The following HID1 variants were observed in gnomAD, a reference collection of about 807,000 sequenced individuals.
The protein encoded by HID1 is protein HID1.
Under a neutral mutation model 89.7 loss-of-function variants are expected in HID1, and 42 were observed. That is an observed-to-expected ratio of 0.47 (90% CI 0.37 to 0.61). The LOEUF is 0.61. Among genes scored for constraint, HID1 ranks in the 20% least tolerant of loss-of-function variants. The pLI is 0.00. For synonymous variants in HID1, 442 were observed against 433.8 expected (o/e 1.02, Z -0.24); for missense variants, 854 against 1,039.3 (o/e 0.82, Z 2.45).
In HID1 at chr17:74,962,830, T is replaced by C. The variant is rs2144818136; in HGVS notation, c.504+135A>G. The stretch of plus-strand genomic sequence containing the variant: ...GTACCAGCTGCCACCCAGGCCTACA[T>C]GTGCCAGGCAGCTCAGCTCTCCTGG... On this transcript the variant is annotated intron_variant, in intron 4 of 18. Coordinates refer to ENST00000425042, the MANE Select transcript of HID1 (RefSeq NM_030630.3). This position sits in a 1 kb window ranked among gnomAD's most constrained non-coding sequence, Gnocchi z 4.3. 1.5e-6 allele frequency: 1 copy of C among 660,472 alleles called. No individual in the cohort carries two copies. The highest frequency in any genetic ancestry group is 2.7e-5 in the East Asian group (1 of 37,000). 40.9% of individuals were successfully genotyped at this position (660,472 alleles called of 1,614,324 possible).
chr17:74,963,633 C>A (rs2144819923), intron 3 of HID1, 107 bp downstream of exon 3: 1 of 1,179,470 alleles, frequency 8.5e-7, no homozygotes, highest in South Asian at 1.6e-5. Flanking sequence ...CACCCCTGTA[C>A]TTCCCAAATC....
In HID1 at chr17:74,972,721, G is replaced by A; in HGVS notation, c.-65C>T. 2.8e-6 allele frequency: 4 copies of A among 1,432,856 alleles called. No homozygotes were observed. The highest frequency in any genetic ancestry group is 2.3e-5 in the Admixed American group (1 of 43,112). The allele number at this position is 1,432,856 out of a possible 1,614,324, so 88.8% of individuals were successfully genotyped here. On this transcript the variant is annotated 5_prime_UTR_variant, in exon 1 of 19. Coordinates refer to ENST00000425042, the MANE Select transcript of HID1 (RefSeq NM_030630.3). The surrounding 1 kb of genome is among the most constrained non-coding windows in gnomAD (Gnocchi z 6.4). ...CCAACCCGGCTCCGGCTTCAGCTCC[G>A]GCTCCAGCTCCGCGGCCCCCGCGGC...
At chr17:74,952,243 C>G in intron 17 of HID1, 26 bp downstream of exon 17, 1 of 1,602,658 alleles carries the variant, frequency 6.2e-7, no homozygotes. Context: ...GCCCACAACC[C>G]CCGGCCCTGC....
rs1383081227 is a variant in HID1, at chr17:74,962,381, A to G, written c.505-41T>C. ...GAAGAAGCCGGGTTAGGGGGTCGAG[A>G]GGTGAACAGCAGCCTGGGTCAGAAC... On this transcript the variant is annotated intron_variant, in intron 4 of 18. Coordinates refer to ENST00000425042, the MANE Select transcript of HID1 (RefSeq NM_030630.3). The surrounding 1 kb of genome is among the most constrained non-coding windows in gnomAD (Gnocchi z 4.3). 1 of 1,420,000 alleles carries G rather than the reference A, an allele frequency of 7.0e-7. No homozygotes were observed. Among genetic ancestry groups the G allele is most frequent in the Admixed American group, 1.8e-5 (1 of 56,710 alleles). 88.0% of individuals were successfully genotyped at this position (1,420,000 alleles called of 1,614,324 possible).
At chr17:74,963,947 G>T (rs200083655) in intron 2 of HID1, 37 bp from the exon 3 acceptor site, 45 of 1,610,326 alleles carry the variant, frequency 2.8e-5, no homozygotes, top group Non-Finnish European at 3.7e-5. Flanking sequence ...CAGGCTGGAA[G>T]GTGGGGAAAG....
intron 1 of HID1, among the ~76,000 whole-genome samples, chr17:74,971,942 G>A (rs1040552950): frequency 3.7e-4 from 56 of 152,018 alleles, no homozygotes; most frequent in Non-Finnish European, 4.4e-4. Flanking sequence ...GGGCCTCGGG[G>A]AAGGCCCCTG....
chr17:74,955,240 T>C (rs2039370927), intron 13 of HID1, among the ~76,000 whole-genome samples: 1 of 152,230 alleles, frequency 6.6e-6, no homozygotes, highest in Non-Finnish European at 1.5e-5. Flanking sequence ...TACTACTCTG[T>C]ACTTCCCTTT....
At chr17:74,964,158 G>A in intron 2 of HID1, 2 of 596,370 alleles carry the variant, frequency 3.4e-6, no homozygotes, top group South Asian at 4.0e-5. Flanking sequence ...GCCACTGGAT[G>A]GCTGAGGCCT....
At chr17:74,967,279 G>A (rs755929862) in intron 1 of HID1, among the ~76,000 whole-genome samples, 9 of 151,234 alleles carry the variant, frequency 6.0e-5, no homozygotes, top group African/African-American at 2.2e-4. Context: ...GGTGGCTCAC[G>A]CCTGTAATTC....
intron 3 of HID1, chr17:74,963,458 G>A (rs1166919964): frequency 1.9e-6 from 1 of 517,136 alleles, no homozygotes; most frequent in African/African-American, 1.9e-5. Flanking sequence ...GCCCTCAGAG[G>A]GCCCAGCTCC....
In HID1 at chr17:74,962,224, C is replaced by T. The variant is rs1213947289; in HGVS notation, c.611+10G>A. The T allele has an allele frequency of 5.6e-6, 9 of 1,596,188 alleles. No homozygotes were observed. The highest frequency in any genetic ancestry group is 3.3e-4 in the Middle Eastern group (2 of 5,990). The stretch of plus-strand genomic sequence containing the variant: ...CTGCATTGAGGGCTCCGGGCCTGGG[C>T]GAAGCTCACCGGTTCATATCGTGGA... On this transcript the variant is annotated intron_variant, in intron 5 of 18. Transcript: ENST00000425042. This position sits in a 1 kb window ranked among gnomAD's most constrained non-coding sequence, Gnocchi z 4.3.
rs780289087 is a variant in HID1, at chr17:74,958,134, C to T, written c.1471+7G>A. The T allele has an allele frequency of 6.2e-7, 1 of 1,600,318 alleles. No homozygotes were observed. The highest frequency in any genetic ancestry group is 1.1e-5 in the South Asian group (1 of 88,894). On this transcript the variant is annotated splice_region_variant and intron_variant, in intron 12 of 18. Coordinates refer to ENST00000425042, the MANE Select transcript of HID1 (RefSeq NM_030630.3). This position sits in a 1 kb window ranked among gnomAD's most constrained non-coding sequence, Gnocchi z 5.2. Reference sequence around the variant, plus strand: ...GAGCGCGGGGAGTGCAAGCTCCGGGCCCCTACCGTTGACCACGATGGTGAG... The same window carrying T: ...GAGCGCGGGGAGTGCAAGCTCCGGGTCCCTACCGTTGACCACGATGGTGAG...
In HID1 at chr17:74,962,844, C is replaced by T. The variant is rs145323863; in HGVS notation, c.504+121G>A. 966 of 710,020 alleles carry T rather than the reference C, an allele frequency of 1.4e-3. 2 individuals carry two copies. Among genetic ancestry groups the T allele is most frequent in the Non-Finnish European group, 6.1e-4 (252 of 413,784 alleles). The allele number at this position is 710,020 out of a possible 1,614,324, so 44.0% of individuals were successfully genotyped here. A position where few individuals can be genotyped will look rare whatever the true frequency, so the allele number is the denominator to read the frequency against. The stretch of plus-strand genomic sequence containing the variant: ...CCAGGCCTACATGTGCCAGGCAGCT[C>T]AGCTCTCCTGGAGCCCCCCGGCCCC... On this transcript the variant is annotated intron_variant, in intron 4 of 18. Coordinates refer to ENST00000425042, the MANE Select transcript of HID1 (RefSeq NM_030630.3). This position sits in a 1 kb window ranked among gnomAD's most constrained non-coding sequence, Gnocchi z 4.3.
intron 1 of HID1, among the ~76,000 whole-genome samples, chr17:74,971,295 C>CA (rs2039643575): frequency 6.6e-6 from 1 of 152,222 alleles, no homozygotes; most frequent in Non-Finnish European, 1.5e-5. Context: ...GCCCACTTGC[C>CA]ACCTTCCCTG....
chr17:74,962,946 G>C lies in HID1; in HGVS notation c.504+19C>G, dbSNP rs760293369. ...CAGAGCCTACTCCGCCTGGGGGTGGGGGGCTGGGGGACACTCACCACAGTG... is the reference window on the plus strand; with the variant it reads ...CAGAGCCTACTCCGCCTGGGGGTGGCGGGCTGGGGGACACTCACCACAGTG... On this transcript the variant is annotated intron_variant, in intron 4 of 18. Coordinates refer to ENST00000425042, the MANE Select transcript of HID1 (RefSeq NM_030630.3). The surrounding 1 kb of genome is among the most constrained non-coding windows in gnomAD (Gnocchi z 4.3). 1.3e-6 allele frequency: 2 copies of C among 1,569,582 alleles called. No homozygotes were observed. Among genetic ancestry groups the C allele is most frequent in the Non-Finnish European group, 1.7e-6 (2 of 1,143,222 alleles).
chr17:74,968,912 G>C (rs1353601270), intron 1 of HID1, among the ~76,000 whole-genome samples: 1 of 152,238 alleles, frequency 6.6e-6, no homozygotes, highest in Admixed American at 6.5e-5. Flanking sequence ...GCCCATTCTG[G>C]AAGCAGAGGA....
chr17:74,972,627 G>A lies in HID1; in HGVS notation c.30C>T (p.Phe10=). 1.3e-6 allele frequency: 2 copies of A among 1,549,164 alleles called. No individual in the cohort carries two copies. Among genetic ancestry groups the A allele is most frequent in the Non-Finnish European group, 1.7e-6 (2 of 1,145,802 alleles). Residue 10 remains phenylalanine, a synonymous_variant, in exon 1 of 19, where the codon TTC becomes TTT. Coordinates refer to ENST00000425042, the MANE Select transcript of HID1 (RefSeq NM_030630.3). The surrounding 1 kb of genome is among the most constrained non-coding windows in gnomAD (Gnocchi z 6.4). MGSTDSKLN[F]RKAVIQLTTK... is the part of the protein sequence containing the mutation. ...TGGTGAGCTGGATCACCGCCTTCCG[G>A]AAGTTCAGCTTGGAGTCGGTCGACC...
In HID1 at chr17:74,962,571, C is replaced by T. The variant is rs1412774665; in HGVS notation, c.505-231G>A. ...CATCTCAGACTGGTTCTTTCACTTG[C>T]TCAGTCCAGTTTGGGACAGGGAGAA... is the stretch of plus-strand genomic sequence containing the variant. On this transcript the variant is annotated intron_variant, in intron 4 of 18. Transcript: ENST00000425042. This position sits in a 1 kb window ranked among gnomAD's most constrained non-coding sequence, Gnocchi z 4.3. Among the ~76,000 whole-genome samples the T allele has an allele frequency of 6.6e-6, 1 of 152,130 alleles. No homozygotes were observed. The highest frequency in any genetic ancestry group is 1.5e-5 in the Non-Finnish European group (1 of 68,008).
intron 6 of HID1, among the ~76,000 whole-genome samples, chr17:74,961,273 A>ATT (rs558094471): frequency 1.3e-5 from 2 of 148,534 alleles, no homozygotes; most frequent in African/African-American, 4.9e-5. Context: ...GTATTTATTT[A>ATT]TTTTTTTTTT....
Sources: gnomAD v4.1 joint callset for allele counts (sites outside exome capture counted in the v4.1 genomes callset) on GRCh38, gnomAD v4.1.1 for gene constraint, Gnocchi (gnomAD v3.1) non-coding constraint, MANE v1.5 for transcripts, NCBI Gene and HGNC (gene_info 2026-07-23, HGNC 2026-07-21) for gene names.